The following NELL1 variants were observed in gnomAD, a reference collection of about 807,000 sequenced individuals.
NELL1 encodes protein kinase C-binding protein NELL1.
In NELL1, 76 loss-of-function variants were observed where a neutral mutation model predicts 107.4. That is an observed-to-expected ratio of 0.71 (90% CI 0.59 to 0.86). NELL1 has a LOEUF of 0.86. Among genes scored for constraint, NELL1 ranks in the 40% least tolerant of loss-of-function variants. The pLI is 0.00. For synonymous variants in NELL1, 353 were observed against 341.2 expected (o/e 1.03, Z -0.38); for missense variants, 1,024 against 1,005.5 (o/e 1.02, Z -0.25).
At chr11:21,314,606 C>G (rs1565163206) in intron 14 of NELL1, among the ~76,000 whole-genome samples, 1 of 152,110 alleles carries the variant, frequency 6.6e-6, no homozygotes, top group Non-Finnish European at 1.5e-5. Flanking sequence ...TGGTCCCTGC[C>G]CTTATGCAGC....
chr11:21,263,530 G>A (rs1348578327), intron 14 of NELL1, among the ~76,000 whole-genome samples: 1 of 151,952 alleles, frequency 6.6e-6, no homozygotes, highest in Non-Finnish European at 1.5e-5. Flanking sequence ...ATTCAATATG[G>A]AATCTGCATT....
chr11:21,049,145 T>C (rs1292002809), intron 12 of NELL1, among the ~76,000 whole-genome samples: 3 of 152,242 alleles, frequency 2.0e-5, no homozygotes, highest in East Asian at 3.9e-4. Flanking sequence ...CGCTAGTCAT[T>C]GGATGTACCC....
intron 15 of NELL1, among the ~76,000 whole-genome samples, chr11:21,466,012 T>C (rs1291821840): frequency 6.6e-6 from 1 of 152,120 alleles, no homozygotes; most frequent in African/African-American, 2.4e-5. Context: ...GAGCCAGAGA[T>C]GCAAAGCGCT....
intron 12 of NELL1, among the ~76,000 whole-genome samples, chr11:21,063,392 T>G (rs1387899189): frequency 6.6e-6 from 1 of 152,158 alleles, no homozygotes; most frequent in East Asian, 1.9e-4. Flanking sequence ...GACCATTTAG[T>G]TGAACTCAAT....
At chr11:21,441,765 T>C (rs910389770) in intron 15 of NELL1, among the ~76,000 whole-genome samples, 4 of 152,200 alleles carry the variant, frequency 2.6e-5, no homozygotes, top group Non-Finnish European at 5.9e-5. Flanking sequence ...CAGTAGGTAG[T>C]ATATCTTCAC....
chr11:20,675,337 C>G (rs186186248), intron 1 of NELL1, among the ~76,000 whole-genome samples: 5 of 152,320 alleles, frequency 3.3e-5, no homozygotes, highest in Admixed American at 3.3e-4. Context: ...AATGTTCAGT[C>G]AACCACTGTC....
At chr11:21,001,729 G>A (rs540941537) in intron 12 of NELL1, among the ~76,000 whole-genome samples, 32 of 149,374 alleles carry the variant, frequency 2.1e-4, no homozygotes, top group South Asian at 8.6e-4. Flanking sequence ...GGCAATCAAC[G>A]GGGAGCTCCC....
chr11:21,280,948 A>G (rs898063640), intron 14 of NELL1, among the ~76,000 whole-genome samples: 1 of 152,004 alleles, frequency 6.6e-6, no homozygotes, highest in African/African-American at 2.4e-5. Context: ...GACCTGGAGA[A>G]CAGGCAACCT....
intron 2 of NELL1, among the ~76,000 whole-genome samples, chr11:20,706,972 G>A (rs948597560): frequency 6.6e-6 from 1 of 152,140 alleles, no homozygotes; most frequent in East Asian, 1.9e-4. Flanking sequence ...TTCCAACTTG[G>A]TTCCACTCTC....
At chr11:21,388,659 A>G (rs1851799684) in intron 15 of NELL1, among the ~76,000 whole-genome samples, 1 of 151,874 alleles carries the variant, frequency 6.6e-6, no homozygotes, top group Non-Finnish European at 1.5e-5. Flanking sequence ...CACTGCTCCA[A>G]GCTTTGAACT....
chr11:21,012,478 G>A (rs929926141), intron 12 of NELL1, among the ~76,000 whole-genome samples: 1 of 151,928 alleles, frequency 6.6e-6, no homozygotes, highest in African/African-American at 2.4e-5. Context: ...TATGATCCTT[G>A]GTCTCTCCCA....
intron 14 of NELL1, among the ~76,000 whole-genome samples, chr11:21,288,546 A>C (rs924466304): frequency 6.6e-6 from 1 of 152,198 alleles, no homozygotes; most frequent in African/African-American, 2.4e-5. Context: ...ACTGACATTC[A>C]TCCCAACTCT....
chr11:20,970,661 A>T (rs11025841), intron 12 of NELL1, among the ~76,000 whole-genome samples: 3 of 152,080 alleles, frequency 2.0e-5, no homozygotes, highest in African/African-American at 7.2e-5. Flanking sequence ...TAGGGGGATC[A>T]GCAGATACAA....
At position 21,182,262 on chromosome 11, in the gene NELL1, C is replaced by T. The variant is rs763369386; in HGVS notation, c.1427-47070C>T. Among the ~76,000 whole-genome samples, 56 of 151,482 alleles carry T rather than the reference C, an allele frequency of 3.7e-4. 1 individual carries two copies. The highest frequency in any genetic ancestry group is 1.6e-4 in the Non-Finnish European group (11 of 67,970). Reference sequence around the variant, plus strand: ...CAGCCTGGCCAACATAGCGAAACCCCGTCTCTACTAAAAATACAAAAATTA... The same window carrying T: ...CAGCCTGGCCAACATAGCGAAACCCTGTCTCTACTAAAAATACAAAAATTA... On this transcript the variant is annotated intron_variant, in intron 13 of 19. Transcript: ENST00000357134.
intron 12 of NELL1, among the ~76,000 whole-genome samples, chr11:21,004,576 G>C (rs1852290589): frequency 6.6e-6 from 1 of 151,996 alleles, no homozygotes; most frequent in African/African-American, 2.4e-5. Flanking sequence ...CAGATACCAG[G>C]TATGGATTGC....
At chr11:21,159,242 C>T (rs2133797275) in intron 13 of NELL1, among the ~76,000 whole-genome samples, 1 of 152,256 alleles carries the variant, frequency 6.6e-6, no homozygotes, top group Non-Finnish European at 1.5e-5. Context: ...AGCTTGTTGA[C>T]CAGATTCTGT....
At chr11:21,355,605 A>G (rs7126959) in intron 14 of NELL1, among the ~76,000 whole-genome samples, 40,740 of 152,106 alleles carry the variant, frequency 0.27, 5,459 homozygotes, top group Middle Eastern at 0.34. Flanking sequence ...GCTGTATGGA[A>G]GAAGTACTCA....
chr11:21,031,397 A>G (rs1236578295), intron 12 of NELL1, among the ~76,000 whole-genome samples: 1 of 152,084 alleles, frequency 6.6e-6, no homozygotes, highest in Non-Finnish European at 1.5e-5. Flanking sequence ...TATTCTTTGG[A>G]TTTATTGACA....
intron 2 of NELL1, among the ~76,000 whole-genome samples, chr11:20,695,398 T>C (rs111782719): frequency 0.03 from 4,644 of 152,276 alleles, 105 homozygotes; most frequent in Non-Finnish European, 0.046. Context: ...CTCCCAGCTT[T>C]TGCCTGTCCA....
Sources: allele counts gnomAD v4.1 joint callset (sites outside exome capture counted in the v4.1 genomes callset), GRCh38; gene constraint gnomAD v4.1.1; transcripts MANE v1.5; gene names NCBI Gene and HGNC (gene_info 2026-07-23, HGNC 2026-07-21).